Variants in KCNIP4 observed in about 807,000 individuals in gnomAD.
The protein encoded by KCNIP4 is potassium voltage-gated channel interacting protein 4.
In KCNIP4, 12 loss-of-function variants were observed where a neutral mutation model predicts 34.0. That is an observed-to-expected ratio of 0.35 (90% CI 0.23 to 0.57). The LOEUF is 0.57. Among genes scored for constraint, KCNIP4 ranks in the 20% least tolerant of loss-of-function variants. The probability of loss-of-function intolerance (pLI) is 0.83; values close to 1 mark genes in which losing one functional copy is unlikely to be tolerated. For synonymous variants in KCNIP4, 124 were observed against 102.2 expected (o/e 1.21, Z -1.29); for missense variants, 238 against 311.7 (o/e 0.76, Z 1.78).
intron 1 of KCNIP4, among the ~76,000 whole-genome samples, chr4:21,734,842 A>AT (rs773997612): frequency 4.3e-4 from 66 of 151,820 alleles, no homozygotes; most frequent in East Asian, 1.2e-3. Flanking sequence ...AGGCTCTAAG[A>AT]TTTTTTTTTA....
intron 1 of KCNIP4, among the ~76,000 whole-genome samples, chr4:21,839,885 G>C (rs1056455612): frequency 2.6e-5 from 4 of 152,076 alleles, no homozygotes; most frequent in African/African-American, 9.7e-5. Context: ...TGGTGTGTGG[G>C]TTATTATGCA....
chr4:20,869,746 A>G (rs1047827103), intron 2 of KCNIP4, among the ~76,000 whole-genome samples: 1 of 152,134 alleles, frequency 6.6e-6, no homozygotes, highest in Non-Finnish European at 1.5e-5. Context: ...AGTAATGATG[A>G]CTATTATAAT....
intron 1 of KCNIP4, among the ~76,000 whole-genome samples, chr4:21,634,518 G>A (rs1745990635): frequency 1.3e-5 from 2 of 151,926 alleles, no homozygotes; most frequent in Non-Finnish European, 2.9e-5. Context: ...GCAAACCTAG[G>A]GAAGGAAAGT....
intron 1 of KCNIP4, among the ~76,000 whole-genome samples, chr4:21,874,641 T>C (rs1325403437): frequency 6.6e-6 from 1 of 152,214 alleles, no homozygotes; most frequent in East Asian, 1.9e-4. Context: ...TGATATTTGC[T>C]ACTCCTTGGG....
At chr4:21,035,914 CT>C (rs1307160680) in intron 1 of KCNIP4, among the ~76,000 whole-genome samples, 1 of 152,150 alleles carries the variant, frequency 6.6e-6, no homozygotes, top group East Asian at 1.9e-4. Context: ...ATAATATCTT[CT>C]AGCCAGATTG....
intron 1 of KCNIP4, among the ~76,000 whole-genome samples, chr4:21,523,366 G>A (rs114474509): frequency 2.0e-4 from 31 of 152,118 alleles, no homozygotes; most frequent in African/African-American, 7.2e-4. Flanking sequence ...GCTATATTTA[G>A]TATGAGCATG....
intron 1 of KCNIP4, among the ~76,000 whole-genome samples, chr4:21,907,801 T>C (rs1490686674): frequency 6.6e-6 from 1 of 152,200 alleles, no homozygotes; most frequent in Non-Finnish European, 1.5e-5. Context: ...AATAATAATG[T>C]TTTATAAATG....
At chr4:21,927,747 C>A (rs1052276126) in intron 1 of KCNIP4, among the ~76,000 whole-genome samples, 1 of 152,118 alleles carries the variant, frequency 6.6e-6, no homozygotes, top group Non-Finnish European at 1.5e-5. Context: ...CAGTCTTCTA[C>A]ACAAATTTGA....
chr4:21,837,252 G>T (rs76417231), intron 1 of KCNIP4, among the ~76,000 whole-genome samples: 11,909 of 150,350 alleles, frequency 0.079, 550 homozygotes, highest in Middle Eastern at 0.14. Context: ...AAAGAGGCAT[G>T]GCCAAGGGCG....
chr4:21,075,169 C>A (rs1745363769), intron 1 of KCNIP4, among the ~76,000 whole-genome samples: 1 of 152,126 alleles, frequency 6.6e-6, no homozygotes, highest in South Asian at 2.1e-4. Context: ...TGGTGCAGAG[C>A]TGAGTTCAGT....
At chr4:21,749,502 T>C (rs1434236218) in intron 1 of KCNIP4, among the ~76,000 whole-genome samples, 1 of 152,260 alleles carries the variant, frequency 6.6e-6, no homozygotes, top group East Asian at 1.9e-4. Flanking sequence ...CTTGACACCA[T>C]TCCCAGACAT....
chr4:20,933,974 T>C (rs73242572), intron 1 of KCNIP4, among the ~76,000 whole-genome samples: 6,985 of 152,240 alleles, frequency 0.046, 192 homozygotes, highest in Middle Eastern at 0.1. Context: ...CATGTGTGCA[T>C]TGAAGTGAAA....
intron 1 of KCNIP4, among the ~76,000 whole-genome samples, chr4:21,668,548 ATAAT>A (rs1441009727): frequency 1.3e-5 from 2 of 152,202 alleles, no homozygotes; most frequent in African/African-American, 4.8e-5. Flanking sequence ...ATTTTCAAAA[ATAAT>A]TAAGTACATA....
At chr4:21,378,863 A>G (rs1457294000) in intron 1 of KCNIP4, among the ~76,000 whole-genome samples, 1 of 152,168 alleles carries the variant, frequency 6.6e-6, no homozygotes, top group Non-Finnish European at 1.5e-5. Context: ...CTACGTAGCT[A>G]TCTACATATT....
intron 1 of KCNIP4, among the ~76,000 whole-genome samples, chr4:21,890,060 A>G (rs1056089488): frequency 6.6e-6 from 1 of 152,138 alleles, no homozygotes; most frequent in African/African-American, 2.4e-5. Context: ...GCATTGTGGT[A>G]GTACTACTAT....
At chr4:20,939,356 A>G (rs991691643) in intron 1 of KCNIP4, among the ~76,000 whole-genome samples, 25 of 151,940 alleles carry the variant, frequency 1.6e-4, no homozygotes, top group African/African-American at 5.8e-4. Flanking sequence ...CTTTCAGCCC[A>G]TAATCTTTTT....
chr4:20,803,722 AGAGAG>A (rs1714690024), intron 3 of KCNIP4, among the ~76,000 whole-genome samples: 10 of 103,308 alleles, frequency 9.7e-5, no homozygotes, highest in East Asian at 4.8e-4. Flanking sequence ...AGAGAGAGAG[AGAGAG>A]AGGAAGGAAG....
chr4:21,147,712 G>A (rs1752459077), intron 1 of KCNIP4, among the ~76,000 whole-genome samples: 1 of 151,972 alleles, frequency 6.6e-6, no homozygotes, highest in African/African-American at 2.4e-5. Flanking sequence ...GCCAAGGTGG[G>A]TGGATCTCTT....
At chr4:21,078,540 C>T (rs868666728) in intron 1 of KCNIP4, among the ~76,000 whole-genome samples, 1 of 151,978 alleles carries the variant, frequency 6.6e-6, no homozygotes, top group African/African-American at 2.4e-5. Context: ...GGACTCTACC[C>T]TCATGATCTA....
Sources: gnomAD v4.1 joint callset for allele counts (sites outside exome capture counted in the v4.1 genomes callset) on GRCh38, gnomAD v4.1.1 for gene constraint, MANE v1.5 for transcripts, NCBI Gene and HGNC (gene_info 2026-07-23, HGNC 2026-07-21) for gene names.